PEAK1: variants seen among roughly 807,000 people sequenced by gnomAD.
PEAK1 encodes the protein inactive tyrosine-protein kinase PEAK1.
PEAK1 carries 54 observed loss-of-function variants against 124.7 expected under a neutral mutation model. The ratio of observed to expected loss-of-function variants is 0.43; its 90% CI spans 0.35 to 0.54. The LOEUF is 0.54. Among genes scored for constraint, PEAK1 ranks in the 20% least tolerant of loss-of-function variants. The pLI, the probability that PEAK1 is intolerant of heterozygous loss-of-function variation, is 0.01. For missense variants in PEAK1, 2,046 were observed against 2,134.5 expected (o/e 0.96, Z 0.82); for synonymous variants, 719 against 760.0 (o/e 0.95, Z 0.89).
At chr15:77,360,386 CT>C (rs2067809036) in intron 2 of PEAK1, among the ~76,000 whole-genome samples, 1 of 152,128 alleles carries the variant, frequency 6.6e-6, no homozygotes, top group Admixed American at 6.5e-5. Flanking sequence ...TAAATAAATA[CT>C]TTTGTGCTTC....
Position 77,220,575 on chromosome 15 carries a change from T to A in PEAK1, c.-115+31792A>T, listed in dbSNP as rs1362159148. Among the ~76,000 whole-genome samples, 3 of 149,508 alleles carry A rather than the reference T, an allele frequency of 2.0e-5. No homozygotes were observed. In the East Asian group the frequency reaches 5.8e-4, roughly 29 times the overall value. On this transcript the variant is annotated intron_variant, in intron 6 of 9. Transcript: ENST00000682557. Reference sequence around the variant, plus strand: ...AGTTAATCATCTATCAAACTGCTTTTAAAATAGGCAATATGTATCAAAACA... The same window carrying A: ...AGTTAATCATCTATCAAACTGCTTTAAAAATAGGCAATATGTATCAAAACA...
chr15:77,402,339 C>T, intron 1 of PEAK1: 2 of 985,212 alleles, frequency 2.0e-6, no homozygotes, highest in Non-Finnish European at 2.4e-6. Context: ...GGGAATAAAT[C>T]AAGGGAAAAG....
chr15:77,315,706 A>C (rs1042936385), intron 2 of PEAK1, among the ~76,000 whole-genome samples: 4 of 152,020 alleles, frequency 2.6e-5, no homozygotes, highest in Non-Finnish European at 4.4e-5. Flanking sequence ...CCATGAGTCT[A>C]ATCATGAGAA....
rs2864083 is a variant in PEAK1, at chr15:77,253,245, T to A, written c.-274-719A>T. Among the ~76,000 whole-genome samples the A allele has an allele frequency of 1.8e-4, 23 of 129,902 alleles. No homozygotes were observed. In the South Asian group the frequency reaches 5.7e-3, roughly 32 times the overall value. 85.2% of individuals were successfully genotyped at this position (129,902 alleles called of 152,430 possible). A position where few individuals can be genotyped will look rare whatever the true frequency, so the allele number is the denominator to read the frequency against. ...AGCATCTGTGAATTTTGGTATGCGT[T>A]GGGGGGGGGGTGGTCCTGGAGCCAA... On this transcript the variant is annotated intron_variant, in intron 5 of 9. Coordinates refer to ENST00000682557, the MANE Select transcript of PEAK1 (RefSeq NM_001385026.1).
In PEAK1 at chr15:77,168,203, T is replaced by C. The variant is rs2056248241; in HGVS notation, c.3138-9507A>G. ...GAAGTGCTGGGATTTTCATTTTCCA[T>C]GCCATATGTACATGCACATATGCAT... On this transcript the variant is annotated intron_variant, in intron 7 of 9. Transcript: ENST00000682557. 2.0e-5 allele frequency among the ~76,000 whole-genome samples: 3 copies of C among 151,072 alleles called. No homozygotes were observed. The Admixed American group carries it at 2.0e-4, about 10-fold the overall frequency.
intron 9 of PEAK1, among the ~76,000 whole-genome samples, chr15:77,119,017 A>C (rs1566989894): frequency 6.6e-6 from 1 of 152,266 alleles, no homozygotes; most frequent in African/African-American, 2.4e-5. Flanking sequence ...TCATTTACTT[A>C]TAAACTGTGC....
chr15:77,317,049 C>G (rs1034893914), intron 2 of PEAK1, among the ~76,000 whole-genome samples: 3 of 152,096 alleles, frequency 2.0e-5, no homozygotes, highest in African/African-American at 7.2e-5. Flanking sequence ...CCACTGCACT[C>G]CAGCCTGGGT....
At position 77,323,244 on chromosome 15, in the gene PEAK1, A is replaced by C. The variant is rs1029537863; in HGVS notation, c.-602-36740T>G. ...GCACAAGACAGGGATGCCCTCTCTC[A>C]CCACTCCTATTCAACATAGTGTTGG... On this transcript the variant is annotated intron_variant, in intron 2 of 9. Transcript: ENST00000682557. Among the ~76,000 whole-genome samples, 220 of 152,284 alleles carry C rather than the reference A, an allele frequency of 1.4e-3. 5 individuals carry two copies. The East Asian group carries it at 0.029, about 20-fold the overall frequency.
At chr15:77,419,477 C>G (rs948012993) in intron 1 of PEAK1, 60 of 985,008 alleles carry the variant, frequency 6.1e-5, no homozygotes, top group Non-Finnish European at 7.0e-5. Flanking sequence ...AGCCGCGGCG[C>G]GAAGGGAGCA....
chr15:77,298,719 A>G (rs1262377276), intron 2 of PEAK1, among the ~76,000 whole-genome samples: 2 of 152,112 alleles, frequency 1.3e-5, no homozygotes, highest in African/African-American at 2.4e-5. Context: ...GTATACTTGG[A>G]TTTATTCTAT....
chr15:77,246,967 G>A (rs1384102872), intron 6 of PEAK1, among the ~76,000 whole-genome samples: 1 of 151,942 alleles, frequency 6.6e-6, no homozygotes, highest in Non-Finnish European at 1.5e-5. Context: ...GCAGTGAGCC[G>A]AGATCGTGCC....
intron 2 of PEAK1, among the ~76,000 whole-genome samples, chr15:77,359,565 A>C (rs533041225): frequency 1.1e-4 from 16 of 152,158 alleles, no homozygotes; most frequent in Non-Finnish European, 2.1e-4. Context: ...GCCCTAAGTA[A>C]TCTATAAACA....
At chr15:77,132,675 A>G (rs2052973019) in intron 9 of PEAK1, among the ~76,000 whole-genome samples, 1 of 148,644 alleles carries the variant, frequency 6.7e-6, no homozygotes, top group Non-Finnish European at 1.5e-5. Flanking sequence ...ACAATGGGCA[A>G]CAAGAGTGAA....
At chr15:77,275,351 A>C (rs1012973395) in intron 5 of PEAK1, among the ~76,000 whole-genome samples, 3 of 152,198 alleles carry the variant, frequency 2.0e-5, no homozygotes, top group African/African-American at 7.2e-5. Context: ...AAATATGTAC[A>C]TCTTGGTAAC....
rs1389905583 is a variant in PEAK1, at chr15:77,114,018, T to C, written c.*138A>G. 2 of 881,154 alleles carry C rather than the reference T, an allele frequency of 2.3e-6. No individual in the cohort carries two copies. The highest frequency in any genetic ancestry group is 3.5e-6 in the Non-Finnish European group (2 of 564,660). 54.6% of individuals were successfully genotyped at this position (881,154 alleles called of 1,614,324 possible). A position where few individuals can be genotyped will look rare whatever the true frequency, so the allele number is the denominator to read the frequency against. ...TGGGGCAGTGGATAACCTTTCTGAA[T>C]AGACCCACTTGTTCACGGACAGGGA... On this transcript the variant is annotated 3_prime_UTR_variant, in exon 10 of 10. Coordinates refer to ENST00000682557, the MANE Select transcript of PEAK1 (RefSeq NM_001385026.1).
intron 6 of PEAK1, among the ~76,000 whole-genome samples, chr15:77,250,247 A>ACACATATATATGTATATG (rs2060812534): frequency 4.2e-5 from 3 of 71,766 alleles, no homozygotes; most frequent in East Asian, 4.9e-4. Flanking sequence ...ATGTATATAT[A>ACACATATATATGTATATG]TATATATATA....
chr15:77,288,734 A>G (rs1452993553), intron 2 of PEAK1, among the ~76,000 whole-genome samples: 1 of 152,020 alleles, frequency 6.6e-6, no homozygotes, highest in Non-Finnish European at 1.5e-5. Flanking sequence ...CGAAGTCAGG[A>G]GATCAAGACC....
intron 1 of PEAK1, among the ~76,000 whole-genome samples, chr15:77,373,139 G>A (rs997141712): frequency 1.3e-5 from 2 of 152,198 alleles, no homozygotes. Flanking sequence ...AAAAGCAAGT[G>A]TCAGAGAAAA....
At position 77,116,215 on chromosome 15, in the gene PEAK1, T is replaced by C. The variant is rs139804343; in HGVS notation, c.4078-896A>G. On this transcript the variant is annotated intron_variant, in intron 9 of 9. Coordinates refer to ENST00000682557, the MANE Select transcript of PEAK1 (RefSeq NM_001385026.1). ...ACCCCCAAATGGGTTATTCTCATGC[T>C]ATAGAGAGGCTGACCGTGGAAGACT... is the stretch of plus-strand genomic sequence containing the variant. Among the ~76,000 whole-genome samples the C allele has an allele frequency of 2.2e-3, 340 of 152,304 alleles. 2 individuals are homozygous for C. Among genetic ancestry groups the C allele is most frequent in the African/African-American group, 7.8e-3 (326 of 41,564 alleles).
Sources: allele counts gnomAD v4.1 joint callset (sites outside exome capture counted in the v4.1 genomes callset), GRCh38; gene constraint gnomAD v4.1.1; transcripts MANE v1.5; gene names NCBI Gene and HGNC (gene_info 2026-07-23, HGNC 2026-07-21).